Variants in COL12A1 observed in about 807,000 individuals in gnomAD.
COL12A1 encodes collagen type XII alpha 1 chain, also known as collagen alpha-1(XII) chain.
A neutral mutation model predicts 349.7 loss-of-function variants in COL12A1; 114 were observed. The ratio of observed to expected loss-of-function variants is 0.33; its 90% CI spans 0.28 to 0.38. The LOEUF is 0.38. Among genes scored for constraint, COL12A1 ranks in the 10% least tolerant of loss-of-function variants. The probability of loss-of-function intolerance (pLI) is 1.00; values close to 1 mark genes in which losing one functional copy is unlikely to be tolerated. For synonymous variants in COL12A1, 1,369 were observed against 1,329.0 expected (o/e 1.03, Z -0.66); for missense variants, 3,284 against 3,756.9 (o/e 0.87, Z 3.29).
intron 42 of COL12A1, 91 bp from the exon 43 acceptor site, chr6:75,123,495 T>A (rs1765850848): frequency 1.9e-6 from 2 of 1,030,792 alleles, no homozygotes; most frequent in Non-Finnish European, 2.9e-6. Context: ...AAATCCTGGA[T>A]ACCAAATCAA....
intron 10 of COL12A1, among the ~76,000 whole-genome samples, chr6:75,182,536 C>T (rs112766573): frequency 0.049 from 7,478 of 152,134 alleles, 211 homozygotes; most frequent in Non-Finnish European, 0.059. Flanking sequence ...GAAAAGGACA[C>T]AAACTCAAGG....
At chr6:75,203,683 T>C (rs1053625367) in intron 1 of COL12A1, among the ~76,000 whole-genome samples, 2 of 152,254 alleles carry the variant, frequency 1.3e-5, no homozygotes, top group Non-Finnish European at 2.9e-5. Flanking sequence ...CAAAGAATCT[T>C]ATTCATCTTT....
intron 14 of COL12A1, among the ~76,000 whole-genome samples, chr6:75,159,172 A>T (rs1470054347): frequency 6.6e-6 from 1 of 151,640 alleles, no homozygotes; most frequent in African/African-American, 2.4e-5. Flanking sequence ...GATAAGAATG[A>T]TAAAGTAAGC....
At chr6:75,103,989 C>T (rs1768426035) in intron 54 of COL12A1, among the ~76,000 whole-genome samples, 179 bp from the exon 55 acceptor site, 1 of 152,138 alleles carries the variant, frequency 6.6e-6, no homozygotes. Flanking sequence ...AATTTCAAAA[C>T]TTTGTACATT....
intron 60 of COL12A1, among the ~76,000 whole-genome samples, chr6:75,091,780 T>C (rs1010803801): frequency 5.3e-5 from 8 of 152,174 alleles, no homozygotes; most frequent in African/African-American, 1.9e-4. Flanking sequence ...AATTTTGTGG[T>C]CACAATTGTA....
Position 75,183,381 on chromosome 6 carries a change from G to C in COL12A1, c.1560C>G (p.Gly520=). ...TCTCTCTGACATAAGTCATTGCTTTGCCAGTATTTGTAGATCCTCCTCTGT... is the reference window on the plus strand; with the variant it reads ...TCTCTCTGACATAAGTCATTGCTTTCCCAGTATTTGTAGATCCTCCTCTGT... The part of the protein sequence containing the change: ...FPYRGGSTNT[G]KAMTYVREKI... Residue 520 remains glycine, a synonymous_variant, in exon 10 of 66, where the codon GGC becomes GGG. Transcript: ENST00000322507. The C allele has an allele frequency of 6.2e-7, 1 of 1,614,148 alleles. No individual in the cohort carries two copies. Among genetic ancestry groups the C allele is most frequent in the Non-Finnish European group, 8.5e-7 (1 of 1,180,032 alleles).
chr6:75,163,285 G>A (rs1188390695), intron 14 of COL12A1, among the ~76,000 whole-genome samples: 1 of 152,048 alleles, frequency 6.6e-6, no homozygotes. Flanking sequence ...GTGACAGACT[G>A]GATAAAGAAA....
chr6:75,120,305 G>A (rs1769292534), intron 44 of COL12A1, among the ~76,000 whole-genome samples: 1 of 152,044 alleles, frequency 6.6e-6, no homozygotes, highest in African/African-American at 2.4e-5. Flanking sequence ...GATTATTTGA[G>A]GATTTGAAAT....
At chr6:75,104,783 A>G (rs1253598105) in intron 54 of COL12A1, among the ~76,000 whole-genome samples, 1 of 152,202 alleles carries the variant, frequency 6.6e-6, no homozygotes, top group Non-Finnish European at 1.5e-5. Flanking sequence ...TTCTCATGAT[A>G]TGTCTGCTAC....
At chr6:75,143,166 T>C in intron 26 of COL12A1, 86 bp downstream of exon 26, 8 of 1,449,206 alleles carry the variant, frequency 5.5e-6, no homozygotes, top group African/African-American at 2.8e-5. Flanking sequence ...ATTCAAAACA[T>C]GCTATCATCC....
intron 58 of COL12A1, among the ~76,000 whole-genome samples, chr6:75,098,972 T>C (rs932773933): frequency 6.6e-6 from 1 of 152,162 alleles, no homozygotes; most frequent in East Asian, 1.9e-4. Flanking sequence ...ATCTCTGAAA[T>C]CCAGCCGAGG....
intron 58 of COL12A1, among the ~76,000 whole-genome samples, chr6:75,100,576 T>G (rs1024830525): frequency 6.6e-6 from 1 of 152,144 alleles, no homozygotes. Flanking sequence ...AAATACAGTT[T>G]TCTCTTTGAC....
intron 58 of COL12A1, among the ~76,000 whole-genome samples, chr6:75,099,429 G>T (rs1210211498): frequency 6.6e-6 from 1 of 152,078 alleles, no homozygotes; most frequent in Admixed American, 6.6e-5. Context: ...CTACTATATA[G>T]GATGTTCTTT....
intron 2 of COL12A1, among the ~76,000 whole-genome samples, chr6:75,198,732 G>A (rs1348277469): frequency 6.6e-6 from 1 of 152,114 alleles, no homozygotes; most frequent in African/African-American, 2.4e-5. Flanking sequence ...TAGACAGGTG[G>A]GAAAATGGAT....
chr6:75,145,996 G>T, intron 24 of COL12A1, 106 bp downstream of exon 24: 2 of 1,228,124 alleles, frequency 1.6e-6, no homozygotes, highest in Non-Finnish European at 2.2e-6. Context: ...TTTCCATTTT[G>T]TACGTAAAGT....
chr6:75,086,618 A>G, intron 65 of COL12A1, 61 bp from the exon 66 acceptor site: 5 of 1,337,758 alleles, frequency 3.7e-6, no homozygotes, highest in Non-Finnish European at 5.3e-6. Context: ...AAATATAAAT[A>G]CACATCCATC....
rs1582192633 is a variant in COL12A1, at chr6:75,181,453, A to T, written c.1892-242T>A. The stretch of plus-strand genomic sequence containing the variant: ...TCTATAATACTAACTTCTATTATTT[A>T]AATGACTGATTAAATTTGAATGTGA... On this transcript the variant is annotated intron_variant, in intron 10 of 65. Transcript: ENST00000322507. 2.6e-5 allele frequency among the ~76,000 whole-genome samples: 4 copies of T among 152,192 alleles called. No individual in the cohort carries two copies. The South Asian group carries it at 8.3e-4, about 31-fold the overall frequency.
At chr6:75,182,918 A>T in intron 10 of COL12A1, 132 bp downstream of exon 10, 1 of 1,105,268 alleles carries the variant, frequency 9.0e-7, no homozygotes. Flanking sequence ...TAAGTTCAAT[A>T]GTTTTCAATA....
At chr6:75,159,922 T>G (rs1767951763) in intron 14 of COL12A1, among the ~76,000 whole-genome samples, 1 of 152,076 alleles carries the variant, frequency 6.6e-6, no homozygotes, top group African/African-American at 2.4e-5. Flanking sequence ...AAAAGTGATA[T>G]CTCATACCTT....
Sources: allele counts gnomAD v4.1 joint callset (sites outside exome capture counted in the v4.1 genomes callset), GRCh38; gene constraint gnomAD v4.1.1; transcripts MANE v1.5; gene names NCBI Gene and HGNC (gene_info 2026-07-23, HGNC 2026-07-21).